The following CEP350 variants were observed in gnomAD, a reference collection of about 807,000 sequenced individuals.
The protein encoded by CEP350 is centrosomal protein 350.
In CEP350, 126 loss-of-function variants were observed where a neutral mutation model predicts 331.8. That is an observed-to-expected ratio of 0.38 (90% CI 0.33 to 0.44). CEP350 has a LOEUF of 0.44. Among genes scored for constraint, CEP350 ranks in the 20% least tolerant of loss-of-function variants. The pLI is 1.00. For missense variants in CEP350, 3,406 were observed against 3,634.6 expected (o/e 0.94, Z 1.62); for synonymous variants, 1,200 against 1,259.5 (o/e 0.95, Z 1.00).
At chr1:179,992,896 TG>T (rs1180390197) in intron 5 of CEP350, among the ~76,000 whole-genome samples, 1 of 152,214 alleles carries the variant, frequency 6.6e-6, no homozygotes, top group Non-Finnish European at 1.5e-5. Context: ...CCTGTTTTTT[TG>T]TTTCATTTGT....
At chr1:180,073,907 A>G (rs1413865004) in intron 27 of CEP350, 29 of 1,304,574 alleles carry the variant, frequency 2.2e-5, no homozygotes, top group Non-Finnish European at 2.8e-5. Context: ...CCAGTTGGTC[A>G]GGTAACTTTG....
Position 180,041,671 on chromosome 1 carries a change from G to A in CEP350, c.4231G>A (p.Glu1411Lys). ...TRNKAAQVHA[E>K]SLQQVVQSQR... ...CCCCTTTTATTTAAAGGTCCATGCA[G>A]AATCATTACAGCAGGTGGTTCAATC... The change falls in exon 19 of 38, where the codon GAA (glutamate) becomes AAA (lysine). Residue 1411 changes from glutamate (E) to lysine (K), a missense_variant. Coordinates refer to ENST00000367607, the MANE Select transcript of CEP350 (RefSeq NM_014810.5). 5 of 1,613,466 alleles carry A rather than the reference G, an allele frequency of 3.1e-6. No homozygotes were observed. The highest frequency in any genetic ancestry group is 4.2e-6 in the Non-Finnish European group (5 of 1,179,614).
At chr1:180,088,378 A>T (rs1163657240) in intron 32 of CEP350, among the ~76,000 whole-genome samples, 2 of 151,678 alleles carry the variant, frequency 1.3e-5, no homozygotes, top group East Asian at 3.9e-4. Context: ...CAATTGAGAA[A>T]TAGGGGTCAT....
rs1007256305 is a variant in CEP350, at chr1:180,078,666, A to G, written c.5971A>G (p.Ser1991Gly). Residue 1991 changes from serine to glycine, a missense_variant, in exon 29 of 38, where the codon AGT becomes GGT. By Grantham distance (56) the Ser-to-Gly change is moderately conservative (BLOSUM62 0). Around this residue, in one of 5 missense-constraint regions of CEP350, gnomAD observed 1,415 missense variants for 1,512.3 expected, o/e 0.94. Coordinates refer to ENST00000367607, the MANE Select transcript of CEP350 (RefSeq NM_014810.5). ...SQELESSTSPSKHSLPKSCTS... is the reference protein window; with the variant it reads ...SQELESSTSPGKHSLPKSCTS... ...GGAACTAGAATCTTCTACCTCTCCT[A>G]GTAAACATGTAAGTTAATGTATATT... 6.2e-7 allele frequency: 1 copy of G among 1,602,736 alleles called. No homozygotes were observed. The highest frequency in any genetic ancestry group is 2.2e-5 in the East Asian group (1 of 44,610).
At chr1:179,969,101 G>C in intron 1 of CEP350, 1 of 681,308 alleles carries the variant, frequency 1.5e-6, no homozygotes, top group South Asian at 1.4e-5. Context: ...TTTGCGCTGT[G>C]TGGACATTGC....
At chr1:180,096,574 C>T (rs952412233) in intron 36 of CEP350, among the ~76,000 whole-genome samples, 10 of 152,054 alleles carry the variant, frequency 6.6e-5, no homozygotes, top group African/African-American at 9.7e-5. Flanking sequence ...CATATGAATA[C>T]GTGTCATATA....
intron 34 of CEP350, 148 bp from the exon 35 acceptor site, chr1:180,095,375 T>A: frequency 2.2e-6 from 2 of 901,890 alleles, no homozygotes; most frequent in Non-Finnish European, 3.2e-6. Context: ...TTAGATTGTT[T>A]ATTAGTAGCC....
At position 180,041,192 on chromosome 1, in the gene CEP350, C is replaced by A; in HGVS notation, c.4165C>A (p.Gln1389Lys). 1 of 1,598,900 alleles carries A rather than the reference C, an allele frequency of 6.3e-7. No homozygotes were observed. Among genetic ancestry groups the A allele is most frequent in the Admixed American group, 1.7e-5 (1 of 57,882 alleles). Residue 1389 changes from glutamine to lysine, a missense_variant, in exon 18 of 38, where the codon CAA (glutamine) becomes AAA (lysine). Coordinates refer to ENST00000367607, the MANE Select transcript of CEP350 (RefSeq NM_014810.5). ...DLALLKLKAE[Q>K]EALESQRQLE... ...GGCCCTCTTGAAACTAAAGGCTGAA[C>A]AAGAGGCTCTGGAGAGTCAGAGACA...
At chr1:180,022,971 A>G in intron 13 of CEP350, 123 bp downstream of exon 13, 1 of 824,792 alleles carries the variant, frequency 1.2e-6, no homozygotes, top group Non-Finnish European at 1.8e-6. Flanking sequence ...GCTGCACATC[A>G]TAGTGGAGAT....
At chr1:180,100,229 G>A (rs1280413491) in intron 37 of CEP350, among the ~76,000 whole-genome samples, 4 of 152,116 alleles carry the variant, frequency 2.6e-5, no homozygotes, top group Admixed American at 2.6e-4. Context: ...GTTATTCTTT[G>A]TTTTACAAAT....
chr1:180,012,731 G>A (rs1654739094), intron 9 of CEP350, among the ~76,000 whole-genome samples: 1 of 152,152 alleles, frequency 6.6e-6, no homozygotes, highest in Non-Finnish European at 1.5e-5. Flanking sequence ...TCAGTAAGAT[G>A]CAGTTGCAAC....
chr1:179,981,414 G>T (rs1652264391), intron 1 of CEP350, among the ~76,000 whole-genome samples: 1 of 152,062 alleles, frequency 6.6e-6, no homozygotes. Context: ...ACTTAAAACT[G>T]GTTGGGAAAA....
At chr1:180,027,266 T>C (rs1655740858) in intron 14 of CEP350, among the ~76,000 whole-genome samples, 1 of 152,252 alleles carries the variant, frequency 6.6e-6, no homozygotes, top group South Asian at 2.1e-4. Flanking sequence ...TTATTCTGTC[T>C]GTAGGGTATG....
rs762004965 is a variant in CEP350, at chr1:180,093,188, G to T, written c.7083G>T (p.Leu2361Phe). Residue 2361 changes from leucine (L) to phenylalanine (F), a missense_variant, in exon 34 of 38, where the codon TTG (leucine) becomes TTT (phenylalanine). Transcript: ENST00000367607. The part of the protein sequence containing the change: ...HEQKNTKEKD[L>F]SWSEHLFAPK... ...AAAAGAACACAAAGGAAAAAGATTT[G>T]TCTTGGTCAGAACATCTTTTTGCTC... 2 of 1,599,042 alleles carry T rather than the reference G, an allele frequency of 1.3e-6. No homozygotes were observed. Among genetic ancestry groups the T allele is most frequent in the African/African-American group, 1.3e-5 (1 of 74,780 alleles).
At chr1:180,084,491 A>C (rs984428863) in intron 31 of CEP350, among the ~76,000 whole-genome samples, 3 of 152,060 alleles carry the variant, frequency 2.0e-5, no homozygotes, top group Non-Finnish European at 2.9e-5. Context: ...CAGCCCCCTG[A>C]GTAGCTGGGA....
intron 1 of CEP350, among the ~76,000 whole-genome samples, chr1:179,981,690 C>A (rs1461272511): frequency 1.3e-5 from 2 of 152,054 alleles, no homozygotes; most frequent in African/African-American, 4.8e-5. Flanking sequence ...GAATAGATAT[C>A]ATAAAACTGA....
intron 1 of CEP350, among the ~76,000 whole-genome samples, chr1:179,956,027 C>G (rs186362465): frequency 4.7e-4 from 72 of 152,262 alleles, no homozygotes; most frequent in Admixed American, 6.5e-4. Context: ...CTGAAAAGTT[C>G]TGTAGAAACA....
chr1:180,036,320 G>A lies in CEP350; in HGVS notation c.3947-606G>A, dbSNP rs188437600. Reference sequence around the variant, plus strand: ...AACTTTAATTGATAAAGCAGTGGCAGGGTTTGAGAGGATTATCTCCAGTTT... The same window carrying A: ...AACTTTAATTGATAAAGCAGTGGCAAGGTTTGAGAGGATTATCTCCAGTTT... On this transcript the variant is annotated intron_variant, in intron 16 of 37. Coordinates refer to ENST00000367607, the MANE Select transcript of CEP350 (RefSeq NM_014810.5). 3.5e-4 allele frequency among the ~76,000 whole-genome samples: 53 copies of A among 152,306 alleles called. No homozygotes were observed. In the Middle Eastern group the frequency reaches 0.01, roughly 29 times the overall value.
intron 36 of CEP350, among the ~76,000 whole-genome samples, chr1:180,097,139 G>A (rs1244514443): frequency 6.6e-6 from 1 of 152,202 alleles, no homozygotes; most frequent in Non-Finnish European, 1.5e-5. Context: ...CTTACCTCAG[G>A]GGTTGGCAAA....
Sources: gnomAD v4.1 joint callset for allele counts (sites outside exome capture counted in the v4.1 genomes callset) on GRCh38, gnomAD v4.1.1 for gene constraint, gnomAD v4.1.1 regional missense constraint, MANE v1.5 for transcripts, NCBI Gene and HGNC (gene_info 2026-07-23, HGNC 2026-07-21) for gene names.